ZNF717: variants seen among roughly 807,000 people sequenced by gnomAD.
ZNF717 encodes the protein zinc finger protein 717, also known as krueppel-like factor X17.
Under a neutral mutation model 13.8 loss-of-function variants are expected in ZNF717, and 9 were observed. That is an observed-to-expected ratio of 0.65 (90% CI 0.39 to 1.14). The LOEUF is 1.14. ZNF717 is among the 50% of genes most tolerant of loss of function. The pLI is 0.01. For synonymous variants in ZNF717, 327 were observed against 364.1 expected (o/e 0.90, Z 1.16); for missense variants, 1,040 against 1,080.7 (o/e 0.96, Z 0.53).
chr3:75,715,699 T>A (rs1437480438), intron 5 of ZNF717, among the ~76,000 whole-genome samples: 1 of 152,158 alleles, frequency 6.6e-6, no homozygotes, highest in East Asian at 1.9e-4. Context: ...ATTTGAAAAC[T>A]CTTTAAGATT....
At chr3:75,741,774 A>C in intron 2 of ZNF717, 38 bp from the exon 3 acceptor site, 1 of 1,563,624 alleles carries the variant, frequency 6.4e-7, no homozygotes, top group Non-Finnish European at 8.6e-7. Flanking sequence ...CTCCAGCATC[A>C]CGTTCCTGTA....
downstream of ZNF717, among the ~76,000 whole-genome samples, chr3:75,726,559 C>A (rs1273670929): frequency 1.3e-5 from 2 of 152,248 alleles, no homozygotes; most frequent in Non-Finnish European, 1.5e-5. Context: ...GTGAACCACA[C>A]CATCTCAGAA....
At chr3:75,779,126 A>C (rs570639872) in intron 2 of ZNF717, among the ~76,000 whole-genome samples, 18 of 151,680 alleles carry the variant, frequency 1.2e-4, no homozygotes, top group Non-Finnish European at 1.9e-4. Context: ...ACGTGCTAAA[A>C]CCAGAACACA....
chr3:75,780,710 AT>A (rs1464544075), intron 2 of ZNF717, among the ~76,000 whole-genome samples: 1 of 152,232 alleles, frequency 6.6e-6, no homozygotes, highest in African/African-American at 2.4e-5. Context: ...AAAAGGAGGA[AT>A]TTTTTAAGCA....
intron 2 of ZNF717, among the ~76,000 whole-genome samples, chr3:75,766,173 A>G (rs1943452296): frequency 6.6e-6 from 1 of 152,276 alleles, no homozygotes; most frequent in Non-Finnish European, 1.5e-5. Flanking sequence ...AACCTTAGTA[A>G]TGATTAGTTA....
chr3:75,775,409 T>C (rs985491142), intron 2 of ZNF717, among the ~76,000 whole-genome samples: 22 of 152,248 alleles, frequency 1.4e-4, no homozygotes, highest in Non-Finnish European at 2.8e-4. Context: ...GCATGCAAAA[T>C]TCTAGAATAT....
downstream of ZNF717, among the ~76,000 whole-genome samples, chr3:75,707,067 G>A (rs1399388993): frequency 6.6e-6 from 1 of 152,308 alleles, no homozygotes; most frequent in African/African-American, 2.4e-5. Context: ...GGGAAGTTAA[G>A]AATGAGCTGT....
chr3:75,706,090 G>A (rs78409614), downstream of ZNF717, among the ~76,000 whole-genome samples: 1 of 152,304 alleles, frequency 6.6e-6, no homozygotes, highest in African/African-American at 2.4e-5. Flanking sequence ...GAAGAAAATG[G>A]GATATAGAGA....
chr3:75,741,752 G>T lies in ZNF717; in HGVS notation c.58-16C>A. 1.3e-6 allele frequency: 2 copies of T among 1,559,124 alleles called. No individual in the cohort carries two copies. Among genetic ancestry groups the T allele is most frequent in the Non-Finnish European group, 1.7e-6 (2 of 1,155,010 alleles). On this transcript the variant is annotated splice_polypyrimidine_tract_variant and intron_variant, in intron 2 of 4. Coordinates refer to ENST00000652011, the MANE Select transcript of ZNF717 (RefSeq NM_001290208.3). ...ACACCAACTCCTGTAATGATACCAG[G>T]CTGTTGTAGGTCTCCAGCATCACGT...
chr3:75,718,452 C>T (rs112451606), intron 4 of ZNF717, among the ~76,000 whole-genome samples: 4 of 152,144 alleles, frequency 2.6e-5, no homozygotes, highest in South Asian at 2.1e-4. Flanking sequence ...GGGAGTCTAA[C>T]TTACTAAGTT....
chr3:75,772,271 C>G (rs1943956039), intron 2 of ZNF717, among the ~76,000 whole-genome samples: 1 of 152,256 alleles, frequency 6.6e-6, no homozygotes, highest in African/African-American at 2.4e-5. Context: ...TCACCTTCTA[C>G]TTGCCCACGT....
At chr3:75,740,186 G>C (rs1388938008) in intron 4 of ZNF717, among the ~76,000 whole-genome samples, 1 of 152,068 alleles carries the variant, frequency 6.6e-6, no homozygotes, top group East Asian at 1.9e-4. Flanking sequence ...TTTGTGTTTT[G>C]GAGTTTCAGA....
chr3:75,772,022 G>C (rs1943932234), intron 2 of ZNF717, among the ~76,000 whole-genome samples: 1 of 152,238 alleles, frequency 6.6e-6, no homozygotes. Flanking sequence ...TCCAGACTTT[G>C]GGCACTGACG....
chr3:75,706,496 C>T, downstream of ZNF717, among the ~76,000 whole-genome samples: 1 of 152,426 alleles, frequency 6.6e-6, no homozygotes, highest in South Asian at 2.1e-4. Flanking sequence ...CTCTCCACCA[C>T]TTCAGAGGCA....
intron 1 of ZNF717, among the ~76,000 whole-genome samples, chr3:75,783,851 G>T (rs79692013): frequency 6.6e-6 from 1 of 152,060 alleles, no homozygotes; most frequent in African/African-American, 2.4e-5. Context: ...CAGCAATTTT[G>T]GCCTACAATT....
intron 2 of ZNF717, among the ~76,000 whole-genome samples, chr3:75,765,938 A>G (rs2107601283): frequency 6.6e-6 from 1 of 152,186 alleles, no homozygotes; most frequent in East Asian, 2.0e-4. Context: ...GCAAAACCCT[A>G]TCTCTACAAA....
At chr3:75,748,844 T>C (rs1470134867) in intron 2 of ZNF717, among the ~76,000 whole-genome samples, 1 of 152,172 alleles carries the variant, frequency 6.6e-6, no homozygotes, top group Non-Finnish European at 1.5e-5. Flanking sequence ...TGGCCAGGGC[T>C]ATCAGGCAGG....
chr3:75,751,982 C>A (rs79342468), intron 2 of ZNF717, among the ~76,000 whole-genome samples: 1 of 144,396 alleles, frequency 6.9e-6, no homozygotes, highest in African/African-American at 2.6e-5. Context: ...AGGGTCTGAA[C>A]GTTTGTCCTT....
intron 2 of ZNF717, among the ~76,000 whole-genome samples, chr3:75,781,822 G>A (rs1415297606): frequency 2.0e-5 from 3 of 152,130 alleles, no homozygotes; most frequent in African/African-American, 7.2e-5. Flanking sequence ...GGCAGCTAAC[G>A]CCCAGAGCCC....
Sources: allele counts gnomAD v4.1 joint callset (sites outside exome capture counted in the v4.1 genomes callset), GRCh38; gene constraint gnomAD v4.1.1; transcripts MANE v1.5; gene names NCBI Gene and HGNC (gene_info 2026-07-23, HGNC 2026-07-21).